Variants in LGI1 observed in about 807,000 individuals in gnomAD.
The protein encoded by LGI1 is leucine-rich glioma-inactivated protein 1.
LGI1 carries 11 observed loss-of-function variants against 57.7 expected under a neutral mutation model. That is an observed-to-expected ratio of 0.19 (90% CI 0.12 to 0.32). LGI1 has a LOEUF of 0.32. LGI1 is among the 10% of genes least tolerant of loss of function. LGI1 has a pLI of 1.00. For synonymous variants in LGI1, 222 were observed against 241.9 expected, an observed-to-expected ratio of 0.92 and a Z score of 0.76; for missense variants, 422 against 661.9, an observed-to-expected ratio of 0.64 and a Z score of 3.98.
At chr10:93,788,254 T>C (rs2059906580) in intron 4 of LGI1, 1 of 152,228 alleles carries the variant, frequency 6.6e-6, no homozygotes, top group South Asian at 2.1e-4. Flanking sequence ...TATGGAGACA[T>C]TCTCTTGAAT....
chr10:93,778,564 C>G (rs190922197), intron 4 of LGI1, among the ~76,000 whole-genome samples: 1 of 152,180 alleles, frequency 6.6e-6, no homozygotes, highest in African/African-American at 2.4e-5. Flanking sequence ...AATGAGGAAA[C>G]AGTCTTGGAG....
At chr10:93,791,310 A>C (rs1449715594) in intron 5 of LGI1, 1 of 152,246 alleles carries the variant, frequency 6.6e-6, no homozygotes, top group East Asian at 1.9e-4. Flanking sequence ...AGACTAGGTC[A>C]GTTCTGGGAG....
In LGI1 at chr10:93,778,482, A is replaced by G. The variant is rs2059816584; in HGVS notation, c.431+865A>G. The stretch of plus-strand genomic sequence containing the variant: ...GAAGAGCATGGAAAGAAAAGGCACT[A>G]ACATTTACATCACTTTTCATCTAAT... On this transcript the variant is annotated intron_variant, in intron 4 of 7. Transcript: ENST00000371418. 2.0e-5 allele frequency among the ~76,000 whole-genome samples: 3 copies of G among 152,156 alleles called. No individual in the cohort carries two copies. In the South Asian group the frequency reaches 6.2e-4, roughly 32 times the overall value.
intron 2 of LGI1, among the ~76,000 whole-genome samples, chr10:93,776,694 G>T (rs1490485641): frequency 1.3e-5 from 2 of 152,288 alleles, no homozygotes; most frequent in East Asian, 3.9e-4. Context: ...GTTCAACAGG[G>T]TGTGGGATGG....
intron 7 of LGI1, among the ~76,000 whole-genome samples, chr10:93,795,756 T>A (rs936547383): frequency 1.3e-5 from 2 of 152,214 alleles, no homozygotes; most frequent in African/African-American, 4.8e-5. Context: ...TATTGGTACA[T>A]GTGTTGGAAT....
intron 4 of LGI1, among the ~76,000 whole-genome samples, chr10:93,781,184 C>A (rs1055145410): frequency 6.6e-6 from 1 of 151,528 alleles, no homozygotes; most frequent in Non-Finnish European, 1.5e-5. Context: ...TGGTGAAACC[C>A]CATCTCTACT....
intron 2 of LGI1, chr10:93,764,969 C>T (rs1025149047): frequency 1.3e-5 from 2 of 152,168 alleles, no homozygotes; most frequent in African/African-American, 4.8e-5. Context: ...TTACAGGAAA[C>T]ATGAACTATT....
At chr10:93,779,341 G>C (rs1237662643) in intron 4 of LGI1, among the ~76,000 whole-genome samples, 2 of 148,302 alleles carry the variant, frequency 1.3e-5, no homozygotes, top group Non-Finnish European at 3.0e-5. Flanking sequence ...CAGGCTCCAT[G>C]CACAGAACAG....
Position 93,790,082 on chromosome 10 carries a change from T to TTTC in LGI1, c.432-15_432-14insCTT. The TTTC allele has an allele frequency of 6.4e-7, 1 of 1,568,106 alleles. No homozygotes were observed. Among genetic ancestry groups the TTTC allele is most frequent in the African/African-American group, 1.4e-5 (1 of 73,370 alleles). ...TTATCACTACAGTTTACATCACCTT[T>TTTC]TTTTTTTTTTTTCCAGGAGCCTTGC... is the stretch of plus-strand genomic sequence containing the variant. On this transcript the variant is annotated splice_polypyrimidine_tract_variant and intron_variant, in intron 4 of 7. Coordinates refer to ENST00000371418, the MANE Select transcript of LGI1 (RefSeq NM_005097.4).
At chr10:93,765,888 T>C (rs965278831) in intron 2 of LGI1, among the ~76,000 whole-genome samples, 6 of 147,852 alleles carry the variant, frequency 4.1e-5, no homozygotes, top group Admixed American at 6.9e-5. Context: ...GAGAATGGCG[T>C]GAACCCAGGA....
rs775803545 is a variant in LGI1, at chr10:93,792,814, A to G, written c.575A>G (p.Asn192Ser). Residue 192 changes from asparagine (N) to serine (S), a missense_variant, in exon 6 of 8, where the codon AAT (asparagine) becomes AGT (serine). Coordinates refer to ENST00000371418, the MANE Select transcript of LGI1 (RefSeq NM_005097.4). Reference protein sequence around the residue: ...KWLVEWLGHTNATVEDIYCEG... With the variant: ...KWLVEWLGHTSATVEDIYCEG... Reference sequence around the variant, plus strand: ...CTAGTGGAATGGCTTGGCCACACCAATGCAACTGTTGAAGACATCTACTGC... The same window carrying G: ...CTAGTGGAATGGCTTGGCCACACCAGTGCAACTGTTGAAGACATCTACTGC... 1 of 1,614,148 alleles carries G rather than the reference A, an allele frequency of 6.2e-7. No individual in the cohort carries two copies. The highest frequency in any genetic ancestry group is 1.3e-5 in the African/African-American group (1 of 75,042).
intron 7 of LGI1, among the ~76,000 whole-genome samples, chr10:93,793,647 A>T (rs910029404): frequency 1.3e-5 from 2 of 152,258 alleles, no homozygotes; most frequent in Non-Finnish European, 2.9e-5. Context: ...TTCTTCAAAT[A>T]AAAGTATTGG....
At position 93,792,451 on chromosome 10, in the gene LGI1, A is replaced by T. The variant is rs1201679235; in HGVS notation, c.504-292A>T. ...GTGGCTATAGAAAATTTTAAATTAC[A>T]ATTACGGTTCATATACTGTTTCTAT... is the stretch of plus-strand genomic sequence containing the variant. On this transcript the variant is annotated intron_variant, in intron 5 of 7. Transcript: ENST00000371418. 4 of 345,504 alleles carry T rather than the reference A, an allele frequency of 1.2e-5. No individual in the cohort carries two copies. The East Asian group carries it at 1.5e-4, about 13-fold the overall frequency. The allele number at this position is 345,504 out of a possible 1,614,324, so 21.4% of individuals were successfully genotyped here. A position where few individuals can be genotyped will look rare whatever the true frequency, so the allele number is the denominator to read the frequency against.
At position 93,777,561 on chromosome 10, in the gene LGI1, C is replaced by A. The variant is rs1438352899; in HGVS notation, c.375C>A (p.Asn125Lys). Residue 125 changes from asparagine to lysine, a missense_variant, in exon 4 of 8, where the codon AAC becomes AAA. Asn to Lys is a moderately conservative substitution (Grantham distance 94, BLOSUM62 0). Around this residue, in one of 3 missense-constraint regions of LGI1, gnomAD observed 63 missense variants for 138.4 expected, o/e 0.46. Transcript: ENST00000371418. ...PHLEYLFIEN[N>K]NIKSISRHTF... ...CTTATTGCAGATTCATAGAAAACAA[C>A]AACATCAAGTCAATTTCAAGACATA... 1 of 1,613,532 alleles carries A rather than the reference C, an allele frequency of 6.2e-7. No individual in the cohort carries two copies. The highest frequency in any genetic ancestry group is 1.7e-5 in the Admixed American group (1 of 60,018).
At position 93,758,008 on chromosome 10, in the gene LGI1, G is replaced by A. The variant is rs2133975192; in HGVS notation, c.-137G>A. The A allele has an allele frequency of 5.2e-6, 4 of 768,330 alleles. No individual in the cohort carries two copies. In the East Asian group the frequency reaches 8.0e-5, roughly 15 times the overall value. 47.6% of individuals were successfully genotyped at this position (768,330 alleles called of 1,614,324 possible). On this transcript the variant is annotated 5_prime_UTR_variant, in exon 1 of 8. Transcript: ENST00000371418. The surrounding 1 kb of genome is among the most constrained non-coding windows in gnomAD (Gnocchi z 4.7). ...AGGAGAAGCTCACGAATCAGCTGCAGGTCTCTGTTTTGAAAAAGCAGAGAT... is the reference window on the plus strand; with the variant it reads ...AGGAGAAGCTCACGAATCAGCTGCAAGTCTCTGTTTTGAAAAAGCAGAGAT...
At chr10:93,794,334 A>G (rs1245120992) in intron 7 of LGI1, among the ~76,000 whole-genome samples, 2 of 133,902 alleles carry the variant, frequency 1.5e-5, no homozygotes, top group Admixed American at 7.6e-5. Context: ...AATTCTTTCT[A>G]TGAAAACTTT....
intron 7 of LGI1, chr10:93,794,276 C>CAA (rs1365418612): frequency 6.6e-6 from 1 of 151,528 alleles, no homozygotes; most frequent in East Asian, 1.9e-4. Flanking sequence ...CTTGGCCTCT[C>CAA]AAAGTGCTGC....
intron 2 of LGI1, chr10:93,768,317 G>C (rs763856426): frequency 6.6e-6 from 1 of 152,226 alleles, no homozygotes; most frequent in Non-Finnish European, 1.5e-5. Context: ...GAGAGAGGAA[G>C]CCTGAGCCTG....
At chr10:93,775,072 A>G (rs2059779837) in intron 2 of LGI1, among the ~76,000 whole-genome samples, 1 of 152,214 alleles carries the variant, frequency 6.6e-6, no homozygotes, top group Non-Finnish European at 1.5e-5. Flanking sequence ...TTTATAAGAA[A>G]CTTTTAAATT....
Sources: allele counts gnomAD v4.1 joint callset (sites outside exome capture counted in the v4.1 genomes callset), GRCh38; gene constraint gnomAD v4.1.1; regional missense constraint gnomAD v4.1.1; non-coding constraint Gnocchi (gnomAD v3.1); transcripts MANE v1.5; gene names NCBI Gene and HGNC (gene_info 2026-07-23, HGNC 2026-07-21).